CD207: variants seen among roughly 807,000 people sequenced by gnomAD.
The protein encoded by CD207 is C-type lectin domain family 4 member K.
CD207 carries 28 observed loss-of-function variants against 31.6 expected under a neutral mutation model. The ratio of observed to expected loss-of-function variants is 0.89; its 90% CI spans 0.66 to 1.21. The LOEUF (loss-of-function observed/expected upper bound fraction) is 1.21. CD207 is among the 50% of genes most tolerant of loss of function. CD207 has a pLI of 0.00. For missense variants in CD207, 388 were observed against 397.8 expected (o/e 0.98, Z 0.21); for synonymous variants, 168 against 153.9 (o/e 1.09, Z -0.68).
At chr2:70,828,434 C>T (rs1292719076), downstream of CD207, among the ~76,000 whole-genome samples, 1 of 152,212 alleles carries the variant, frequency 6.6e-6, no homozygotes, top group Non-Finnish European at 1.5e-5. Flanking sequence ...CAGATAAAAA[C>T]ACATCCTCAC....
rs562823755 is a variant in CD207, at chr2:70,830,907, G to C, written c.*143C>G. On this transcript the variant is annotated 3_prime_UTR_variant, in exon 6 of 6. Coordinates refer to ENST00000410009, the MANE Select transcript of CD207 (RefSeq NM_015717.5). Reference sequence around the variant, plus strand: ...AGAGAATTTCCAGCCAAGACAGACGGACTCCAGAATGCCACTGTGGGACAA... The same window carrying C: ...AGAGAATTTCCAGCCAAGACAGACGCACTCCAGAATGCCACTGTGGGACAA... 115 of 696,708 alleles carry C rather than the reference G, an allele frequency of 1.7e-4. No individual in the cohort carries two copies. In the African/African-American group the frequency reaches 2.0e-3, roughly 12 times the overall value. 43.2% of individuals were successfully genotyped at this position (696,708 alleles called of 1,614,324 possible). A position where few individuals can be genotyped will look rare whatever the true frequency, so the allele number is the denominator to read the frequency against.
chr2:70,825,589 A>C (rs1677324068), downstream of CD207, among the ~76,000 whole-genome samples: 1 of 152,194 alleles, frequency 6.6e-6, no homozygotes, highest in African/African-American at 2.4e-5. Context: ...CCCAGGCTGG[A>C]GTACAGTGGC....
chr2:70,834,129 A>G lies in CD207; in HGVS notation c.191-109T>C. 1.8e-6 allele frequency: 2 copies of G among 1,089,826 alleles called. 1 individual carries two copies. The highest frequency in any genetic ancestry group is 5.0e-5 in the South Asian group (2 of 39,946). The allele number at this position is 1,089,826 out of a possible 1,614,324, so 67.5% of individuals were successfully genotyped here. A position where few individuals can be genotyped will look rare whatever the true frequency, so the allele number is the denominator to read the frequency against. ...GAAGGAATAGGCTGAAGCTTCCCAA[A>G]GAACCAAGACAGTCCAATGGGCCAC... On this transcript the variant is annotated intron_variant, in intron 2 of 5. Coordinates refer to ENST00000410009, the MANE Select transcript of CD207 (RefSeq NM_015717.5).
intron 5 of CD207, 89 bp downstream of exon 5, chr2:70,831,612 G>A (rs568658006): frequency 2.1e-5 from 17 of 826,736 alleles, no homozygotes; most frequent in East Asian, 7.3e-5. Context: ...CAGAAACCCT[G>A]TCTCATGGGG....
downstream of CD207, among the ~76,000 whole-genome samples, chr2:70,825,295 G>C (rs1214444464): frequency 6.6e-6 from 1 of 152,168 alleles, no homozygotes; most frequent in African/African-American, 2.4e-5. Context: ...GAGACATGAT[G>C]GCTAAATGTA....
intron 5 of CD207, 76 bp from the exon 6 acceptor site, chr2:70,831,276 T>A (rs1182731002): frequency 1.4e-6 from 2 of 1,444,004 alleles, no homozygotes; most frequent in Non-Finnish European, 1.9e-6. Flanking sequence ...AAGAAATGAG[T>A]TAACTCAACC....
chr2:70,835,294 T>C (rs533594430), intron 2 of CD207, among the ~76,000 whole-genome samples, 197 bp downstream of exon 2: 40 of 152,078 alleles, frequency 2.6e-4, no homozygotes, highest in African/African-American at 9.4e-4. Flanking sequence ...CTCCCAGAAA[T>C]TGGGAGGGAA....
intron 4 of CD207, 108 bp from the exon 5 acceptor site, chr2:70,831,927 G>A (rs1015848000): frequency 1.2e-5 from 9 of 741,032 alleles, no homozygotes; most frequent in Middle Eastern, 2.4e-4. Context: ...CCACAGATGC[G>A]CTGCACAAAC....
intron 5 of CD207, 76 bp from the exon 6 acceptor site, chr2:70,831,276 T>C: frequency 6.9e-7 from 1 of 1,444,124 alleles, no homozygotes; most frequent in Non-Finnish European, 9.5e-7. Flanking sequence ...AAGAAATGAG[T>C]TAACTCAACC....
Position 70,832,748 on chromosome 2 carries a change from C to T in CD207, c.717+152G>A, listed in dbSNP as rs115972324. ...GCCACAGTGAGCACAGCCCCCTTGC[C>T]GGCCCTTATTCGACATGCTACTGAG... is the stretch of plus-strand genomic sequence containing the variant. On this transcript the variant is annotated intron_variant, in intron 4 of 5. Coordinates refer to ENST00000410009, the MANE Select transcript of CD207 (RefSeq NM_015717.5). Among the ~76,000 whole-genome samples, 480 of 152,252 alleles carry T rather than the reference C, an allele frequency of 3.2e-3. 1 individual carries two copies. Among genetic ancestry groups the T allele is most frequent in the African/African-American group, 0.011 (462 of 41,550 alleles).
downstream of CD207, chr2:70,830,081 T>TC (rs35088331): frequency 6.6e-6 from 1 of 152,158 alleles, no homozygotes; most frequent in Admixed American, 6.5e-5. Flanking sequence ...GACTGGAACT[T>TC]CCCCAGTCCT....
chr2:70,834,801 C>A (rs1464548089), intron 2 of CD207, among the ~76,000 whole-genome samples: 3 of 151,654 alleles, frequency 2.0e-5, no homozygotes, highest in South Asian at 2.1e-4. Flanking sequence ...GAAAAAAAAA[C>A]CCAACAGCTT....
At position 70,834,083 on chromosome 2, in the gene CD207, G is replaced by C. The variant is rs149783212; in HGVS notation, c.191-63C>G. ...TCCCAGGGACAGGAGTGGGGGTGTT[G>C]TCAGGTTGATCAAAGGAAGGGAAGG... On this transcript the variant is annotated intron_variant, in intron 2 of 5. Coordinates refer to ENST00000410009, the MANE Select transcript of CD207 (RefSeq NM_015717.5). The C allele has an allele frequency of 7.8e-6, 11 of 1,403,938 alleles. No homozygotes were observed. In the African/African-American group the frequency reaches 1.0e-4, roughly 13 times the overall value. The allele number at this position is 1,403,938 out of a possible 1,614,324, so 87.0% of individuals were successfully genotyped here. A position where few individuals can be genotyped will look rare whatever the true frequency, so the allele number is the denominator to read the frequency against.
chr2:70,833,570 A>T, intron 3 of CD207, 76 bp downstream of exon 3: 1 of 1,448,448 alleles, frequency 6.9e-7, no homozygotes. Flanking sequence ...CCACCAGCCC[A>T]ATGGCCTCAG....
At position 70,833,773 on chromosome 2, in the gene CD207, T is replaced by G. The variant is rs1553400317; in HGVS notation, c.438A>C (p.Glu146Asp). 2.5e-6 allele frequency: 4 copies of G among 1,614,062 alleles called. No homozygotes were observed. Among genetic ancestry groups the G allele is most frequent in the Non-Finnish European group, 3.4e-6 (4 of 1,179,896 alleles). ...GGATTTGGGCATTTAAGGTACTGAC[T>G]TCTTCCCAACTTCTTGTTAAGATCT... is the stretch of plus-strand genomic sequence containing the variant. ...QIQILTRSWE[E>D]VSTLNAQIPE... Residue 146 changes from glutamate (E) to aspartate (D), a missense_variant, in exon 3 of 6, where the codon GAA becomes GAC. Coordinates refer to ENST00000410009, the MANE Select transcript of CD207 (RefSeq NM_015717.5).
chr2:70,827,518 C>A (rs1300001067), downstream of CD207, among the ~76,000 whole-genome samples: 1 of 152,174 alleles, frequency 6.6e-6, no homozygotes, highest in Admixed American at 6.5e-5. Flanking sequence ...CAATGGCAGC[C>A]CCCATGCCCA....
intron 3 of CD207, among the ~76,000 whole-genome samples, chr2:70,833,393 G>A (rs1311256402): frequency 1.3e-5 from 2 of 152,144 alleles, no homozygotes; most frequent in South Asian, 4.1e-4. Flanking sequence ...GGGCCAGGGT[G>A]GACATCCCCT....
intron 4 of CD207, 128 bp from the exon 5 acceptor site, chr2:70,831,947 A>G: frequency 3.0e-6 from 2 of 663,194 alleles, no homozygotes; most frequent in South Asian, 1.7e-5. Flanking sequence ...CTGGCCTCTC[A>G]AGCTTCTTCC....
chr2:70,829,967 C>G (rs1677428475), downstream of CD207, among the ~76,000 whole-genome samples: 1 of 152,146 alleles, frequency 6.6e-6, no homozygotes, highest in South Asian at 2.1e-4. Context: ...GAAGATTGTG[C>G]AGTAAACAAG....
Sources: gnomAD v4.1 joint callset for allele counts (sites outside exome capture counted in the v4.1 genomes callset) on GRCh38, gnomAD v4.1.1 for gene constraint, MANE v1.5 for transcripts, NCBI Gene and HGNC (gene_info 2026-07-23, HGNC 2026-07-21) for gene names.